ARHGAP42: variants seen among roughly 807,000 people sequenced by gnomAD.
ARHGAP42 encodes the protein rho GTPase-activating protein 42.
Under a neutral mutation model 125.0 loss-of-function variants are expected in ARHGAP42, and 63 were observed. That is an observed-to-expected ratio of 0.50 (90% CI 0.41 to 0.62). The LOEUF (loss-of-function observed/expected upper bound fraction) is 0.62. ARHGAP42 is among the 20% of genes least tolerant of loss of function. ARHGAP42 has a pLI of 0.00. For synonymous variants in ARHGAP42, 339 were observed against 351.0 expected, an observed-to-expected ratio of 0.97 and a Z score of 0.38; for missense variants, 766 against 1,024.2, an observed-to-expected ratio of 0.75 and a Z score of 3.44.
At chr11:100,755,742 A>G (rs1023187423) in intron 1 of ARHGAP42, among the ~76,000 whole-genome samples, 3 of 152,212 alleles carry the variant, frequency 2.0e-5, no homozygotes, top group Non-Finnish European at 2.9e-5. Context: ...GATGTGCATG[A>G]ATGAAAAACT....
At chr11:100,945,181 T>C (rs1445277892) in intron 10 of ARHGAP42, among the ~76,000 whole-genome samples, 2 of 152,092 alleles carry the variant, frequency 1.3e-5, no homozygotes, top group Non-Finnish European at 2.9e-5. Flanking sequence ...AACTAGTCCT[T>C]TCAAGTTTTA....
chr11:100,823,128 A>G (rs1461281501), intron 3 of ARHGAP42, among the ~76,000 whole-genome samples: 2 of 152,176 alleles, frequency 1.3e-5, no homozygotes, highest in Admixed American at 6.5e-5. Flanking sequence ...TCTTCCCAGC[A>G]AACATTACTA....
At chr11:100,853,881 A>G (rs1865262377) in intron 3 of ARHGAP42, among the ~76,000 whole-genome samples, 1 of 151,516 alleles carries the variant, frequency 6.6e-6, no homozygotes, top group South Asian at 2.1e-4. Context: ...TCACTCTTAT[A>G]CTAAAACTCC....
intron 12 of ARHGAP42, among the ~76,000 whole-genome samples, chr11:100,957,959 A>C (rs933415046): frequency 4.6e-5 from 7 of 152,044 alleles, no homozygotes; most frequent in Non-Finnish European, 1.0e-4. Flanking sequence ...GTTCTATTGA[A>C]ATTTTTTTAA....
At chr11:100,946,045 T>G (rs1431936925) in intron 10 of ARHGAP42, among the ~76,000 whole-genome samples, 1 of 152,140 alleles carries the variant, frequency 6.6e-6, no homozygotes, top group Non-Finnish European at 1.5e-5. Context: ...CTAGATCTTC[T>G]GTATAACTTG....
At chr11:100,824,518 T>C (rs1162162771) in intron 3 of ARHGAP42, among the ~76,000 whole-genome samples, 1 of 152,184 alleles carries the variant, frequency 6.6e-6, no homozygotes, top group African/African-American at 2.4e-5. Flanking sequence ...GAGTCCCGAA[T>C]ACGGATCTAG....
intron 1 of ARHGAP42, among the ~76,000 whole-genome samples, chr11:100,691,376 T>G (rs1278886964): frequency 1.3e-5 from 2 of 152,210 alleles, no homozygotes; most frequent in South Asian, 2.1e-4. Flanking sequence ...GCCTTTTACT[T>G]TTTCTTGTCT....
chr11:100,960,225 C>G (rs1429301479), intron 13 of ARHGAP42, among the ~76,000 whole-genome samples: 1 of 114,818 alleles, frequency 8.7e-6, no homozygotes, highest in Non-Finnish European at 1.8e-5. Context: ...CTGCAAGCAC[C>G]TCTTTGATTT....
chr11:100,952,449 T>C (rs1857683260), intron 12 of ARHGAP42, among the ~76,000 whole-genome samples: 1 of 152,192 alleles, frequency 6.6e-6, no homozygotes, highest in African/African-American at 2.4e-5. Context: ...GTAAACCTTC[T>C]AAATAAATAC....
At chr11:100,799,786 A>T (rs1363381560) in intron 3 of ARHGAP42, among the ~76,000 whole-genome samples, 1 of 152,234 alleles carries the variant, frequency 6.6e-6, no homozygotes, top group South Asian at 2.1e-4. Flanking sequence ...ATCCAAAGGA[A>T]TGTTCTCATA....
intron 3 of ARHGAP42, among the ~76,000 whole-genome samples, chr11:100,806,430 A>G (rs1267707054): frequency 1.3e-5 from 2 of 152,164 alleles, no homozygotes; most frequent in Non-Finnish European, 2.9e-5. Context: ...GAAGTAATAC[A>G]GTTTCTTTTA....
At chr11:100,849,841 G>A (rs1234630184) in intron 3 of ARHGAP42, among the ~76,000 whole-genome samples, 4 of 152,092 alleles carry the variant, frequency 2.6e-5, no homozygotes, top group Non-Finnish European at 2.9e-5. Flanking sequence ...TATCGAGATA[G>A]CATGTGACAT....
chr11:100,841,080 A>T (rs1457561013), intron 3 of ARHGAP42, among the ~76,000 whole-genome samples: 1 of 152,192 alleles, frequency 6.6e-6, no homozygotes, highest in African/African-American at 2.4e-5. Context: ...CGGTCTCTTG[A>T]TACGTACACT....
At position 100,737,662 on chromosome 11, in the gene ARHGAP42, A is replaced by G. The variant is rs532696542; in HGVS notation, c.155-32681A>G. Among the ~76,000 whole-genome samples, 21 of 152,306 alleles carry G rather than the reference A, an allele frequency of 1.4e-4. No individual in the cohort carries two copies. The East Asian group carries it at 3.9e-3, about 28-fold the overall frequency. On this transcript the variant is annotated intron_variant, in intron 1 of 23. Coordinates refer to ENST00000298815, the MANE Select transcript of ARHGAP42 (RefSeq NM_152432.4). ...TTGCTCACCACTTACTCTTACCACA[A>G]GGTCCTGTGTCAGGCCCAGCAATTG... is the stretch of plus-strand genomic sequence containing the variant.
chr11:100,717,298 A>G (rs11224405), intron 1 of ARHGAP42, among the ~76,000 whole-genome samples: 44,684 of 151,980 alleles, frequency 0.29, 6,955 homozygotes, highest in African/African-American at 0.37. Flanking sequence ...GGTGAAATCA[A>G]TGTAGTAAGT....
chr11:100,841,757 G>A (rs1382350457), intron 3 of ARHGAP42, among the ~76,000 whole-genome samples: 1 of 152,062 alleles, frequency 6.6e-6, no homozygotes, highest in African/African-American at 2.4e-5. Flanking sequence ...TTTGAGTAGG[G>A]GTTGGAGGCG....
intron 5 of ARHGAP42, among the ~76,000 whole-genome samples, chr11:100,914,900 TAGG>T (rs1395513931): frequency 6.6e-6 from 1 of 152,050 alleles, no homozygotes; most frequent in Admixed American, 6.5e-5. Context: ...CAAAAAGAAA[TAGG>T]AGTGTAATTT....
intron 1 of ARHGAP42, among the ~76,000 whole-genome samples, chr11:100,750,922 T>C (rs535903375): frequency 3.3e-5 from 5 of 151,350 alleles, no homozygotes; most frequent in Admixed American, 6.6e-5. Flanking sequence ...TTCTTCATTC[T>C]TCCTTGATGT....
intron 1 of ARHGAP42, among the ~76,000 whole-genome samples, chr11:100,703,980 G>A (rs534037993): frequency 2.7e-5 from 4 of 147,486 alleles, no homozygotes; most frequent in Non-Finnish European, 5.9e-5. Flanking sequence ...TGCTGAAGGT[G>A]AGATCATCCA....
Sources: allele counts gnomAD v4.1 joint callset (sites outside exome capture counted in the v4.1 genomes callset), GRCh38; gene constraint gnomAD v4.1.1; transcripts MANE v1.5; gene names NCBI Gene and HGNC (gene_info 2026-07-23, HGNC 2026-07-21).